ZNF605: variants seen among roughly 807,000 people sequenced by gnomAD.
ZNF605 encodes zinc finger protein 605.
ZNF605 carries 9 observed loss-of-function variants against 7.9 expected under a neutral mutation model. The ratio of observed to expected loss-of-function variants is 1.14; its 90% CI spans 0.68 to 1.98. The LOEUF (loss-of-function observed/expected upper bound fraction) is 1.98. Ranked by LOEUF, ZNF605 falls within the 30% of genes most tolerant of loss-of-function variation. The pLI is 0.00. For synonymous variants in ZNF605, 255 were observed against 260.1 expected (o/e 0.98, Z 0.19); for missense variants, 673 against 762.4 (o/e 0.88, Z 1.38).
chr12:132,923,194 T>C lies in ZNF605; in HGVS notation c.*2179A>G, dbSNP rs377023297. On this transcript the variant is annotated 3_prime_UTR_variant, in exon 5 of 5. Coordinates refer to ENST00000360187, the MANE Select transcript of ZNF605 (RefSeq NM_183238.4). ...AACTCCAAATACGTTATCATTACTT[T>C]GGCTTTAAGCAGCCAATTCCCTTTT... The C allele has an allele frequency of 1.3e-5, 2 of 152,276 alleles. No homozygotes were observed. The highest frequency in any genetic ancestry group is 4.8e-5 in the African/African-American group (2 of 41,476). The allele number at this position is 152,276 out of a possible 1,614,324, so 9.4% of individuals were successfully genotyped here.
rs1952442265 is a variant in ZNF605, at chr12:132,941,625, G to C, written c.15+3996C>G. On this transcript the variant is annotated intron_variant, in intron 3 of 4. Coordinates refer to ENST00000360187, the MANE Select transcript of ZNF605 (RefSeq NM_183238.4). This position sits in a 1 kb window ranked among gnomAD's most constrained non-coding sequence, Gnocchi z 5.1. ...CTGACTGTTGTAACGGACAGCTTCGGTGGCTGCTGGGAGGGGACGAGATAA... is the reference window on the plus strand; with the variant it reads ...CTGACTGTTGTAACGGACAGCTTCGCTGGCTGCTGGGAGGGGACGAGATAA... 6.6e-6 allele frequency among the ~76,000 whole-genome samples: 1 copy of C among 152,214 alleles called. No individual in the cohort carries two copies. The highest frequency in any genetic ancestry group is 1.5e-5 in the Non-Finnish European group (1 of 68,034).
Position 132,941,239 on chromosome 12 carries a change from C to T in ZNF605, c.15+4382G>A, listed in dbSNP as rs1032761014. On this transcript the variant is annotated intron_variant, in intron 3 of 4. Coordinates refer to ENST00000360187, the MANE Select transcript of ZNF605 (RefSeq NM_183238.4). The surrounding 1 kb of genome is among the most constrained non-coding windows in gnomAD (Gnocchi z 5.1). ...ACAGAGATGCAGACATGGCCTAGAC[C>T]GAGCCTCCGCGTGTGCTGCTTCTGC... Among the ~76,000 whole-genome samples, 141 of 152,188 alleles carry T rather than the reference C, an allele frequency of 9.3e-4. 1 individual carries two copies. In the Middle Eastern group the frequency reaches 0.01, roughly 11 times the overall value.
rs1952331365 is a variant in ZNF605, at chr12:132,933,901, A to G, written c.16-746T>C. ...TGAGAACCATTCTTAGGTAAGGAAT[A>G]CTGTTCCATGCAGTTGAGCCCTTCA... On this transcript the variant is annotated intron_variant, in intron 3 of 4. Coordinates refer to ENST00000360187, the MANE Select transcript of ZNF605 (RefSeq NM_183238.4). This position sits in a 1 kb window ranked among gnomAD's most constrained non-coding sequence, Gnocchi z 4.4. 1.3e-5 allele frequency among the ~76,000 whole-genome samples: 2 copies of G among 152,220 alleles called. No homozygotes were observed. The highest frequency in any genetic ancestry group is 2.9e-5 in the Non-Finnish European group (2 of 68,044).
intron 1 of ZNF605, among the ~76,000 whole-genome samples, chr12:132,954,423 TGGGGGAGGAGAAGGGTAGGG>T (rs1477188419): frequency 0.35 from 481 of 1,370 alleles, 10 homozygotes; most frequent in African/African-American, 0.44. Context: ...ATGAGAAGGA[TGGGGGAGGAGAAGGGTAGGG>T]AGGGGAGGAG....
chr12:132,940,999 T>G (rs1433517047), intron 3 of ZNF605, among the ~76,000 whole-genome samples: 1 of 152,046 alleles, frequency 6.6e-6, no homozygotes, highest in African/African-American at 2.4e-5. Flanking sequence ...AACATTTGGT[T>G]TTCTGTTCCT....
At chr12:132,939,141 G>A (rs1430215550) in intron 3 of ZNF605, among the ~76,000 whole-genome samples, 19 of 151,962 alleles carry the variant, frequency 1.3e-4, no homozygotes, top group Middle Eastern at 3.2e-3. Context: ...GAATGCGAGC[G>A]CACAGCGCAG....
chr12:132,951,724 GATAC>G (rs1170621023), intron 1 of ZNF605, among the ~76,000 whole-genome samples: 2 of 149,844 alleles, frequency 1.3e-5, no homozygotes, highest in East Asian at 1.9e-4. Flanking sequence ...CACACACAAT[GATAC>G]ATACATGACA....
chr12:132,950,218 C>G (rs1216700934), intron 1 of ZNF605, among the ~76,000 whole-genome samples: 3 of 152,110 alleles, frequency 2.0e-5, no homozygotes, highest in Non-Finnish European at 2.9e-5. Flanking sequence ...GGGACCTCCT[C>G]CGGCTGCTTC....
At chr12:132,935,892 TA>T (rs146610476) in intron 3 of ZNF605, among the ~76,000 whole-genome samples, 25,158 of 98,050 alleles carry the variant, frequency 0.26, 5,143 homozygotes, top group South Asian at 0.3. Context: ...GACTCTGTCT[TA>T]AAAAAAAAAA....
At chr12:132,935,188 A>G (rs1952351784) in intron 3 of ZNF605, among the ~76,000 whole-genome samples, 1 of 152,220 alleles carries the variant, frequency 6.6e-6, no homozygotes, top group Non-Finnish European at 1.5e-5. Flanking sequence ...GGGACACAGG[A>G]AAAAGGAGGA....
At chr12:132,946,103 C>T in intron 2 of ZNF605, among the ~76,000 whole-genome samples, 1 of 152,154 alleles carries the variant, frequency 6.6e-6, no homozygotes, top group East Asian at 1.9e-4. Flanking sequence ...CAGAGGAGCA[C>T]CACTACCCTA....
chr12:132,950,267 G>T (rs1952543245), intron 1 of ZNF605, among the ~76,000 whole-genome samples: 1 of 152,092 alleles, frequency 6.6e-6, no homozygotes, highest in African/African-American at 2.4e-5. Context: ...GAGTCCAAAA[G>T]CAGCCACCCT....
At chr12:132,929,827 C>G (rs1305250342) in intron 4 of ZNF605, among the ~76,000 whole-genome samples, 1 of 152,098 alleles carries the variant, frequency 6.6e-6, no homozygotes, top group East Asian at 1.9e-4. Flanking sequence ...CGCCTGTAAT[C>G]CCAGATACTT....
chr12:132,925,705 G>A lies in ZNF605; in HGVS notation c.1594C>T (p.Pro532Ser). ...RHQRIHTGEK[P>S]YECSECGKAF... The stretch of plus-strand genomic sequence containing the variant: ...TTCCCACATTCACTGCATTCATAGG[G>A]TTTCTCCCCTGTATGAATTCTCTGA... The change falls in exon 5 of 5, where the codon CCC becomes TCC. Residue 532 changes from proline to serine, a missense_variant. Physicochemically the swap from Pro to Ser is moderately conservative, Grantham distance 74. Coordinates refer to ENST00000360187, the MANE Select transcript of ZNF605 (RefSeq NM_183238.4). The A allele has an allele frequency of 6.2e-7, 1 of 1,614,176 alleles. No homozygotes were observed. The highest frequency in any genetic ancestry group is 1.1e-5 in the South Asian group (1 of 91,082).
intron 3 of ZNF605, among the ~76,000 whole-genome samples, chr12:132,938,628 C>T (rs1952393250): frequency 6.6e-6 from 1 of 152,222 alleles, no homozygotes; most frequent in Non-Finnish European, 1.5e-5. Context: ...CGGCACCTCC[C>T]CTGCCTGGGC....
intron 4 of ZNF605, among the ~76,000 whole-genome samples, chr12:132,932,103 A>ATTG (rs1952314058): frequency 6.6e-6 from 1 of 151,966 alleles, no homozygotes; most frequent in Non-Finnish European, 1.5e-5. Flanking sequence ...TATTATTATT[A>ATTG]TTGTTAGGTA....
chr12:132,951,504 C>G (rs117163532), intron 1 of ZNF605, among the ~76,000 whole-genome samples: 24,427 of 151,386 alleles, frequency 0.16, 2,456 homozygotes, highest in Non-Finnish European at 0.23. Context: ...TATACACACA[C>G]ACGTACACAC....
rs1485674486 is a variant in ZNF605, at chr12:132,921,842, A to G, written c.*3531T>C. ...GAAGACAAAGGAAGGCAAAATTCCT[A>G]AGGGAGAAATTCAAAAAAATGATGG... On this transcript the variant is annotated 3_prime_UTR_variant, in exon 5 of 5. Coordinates refer to ENST00000360187, the MANE Select transcript of ZNF605 (RefSeq NM_183238.4). 1 of 152,226 alleles carries G rather than the reference A, an allele frequency of 6.6e-6. No individual in the cohort carries two copies. Among genetic ancestry groups the G allele is most frequent in the Non-Finnish European group, 1.5e-5 (1 of 68,050 alleles). 9.4% of individuals were successfully genotyped at this position (152,226 alleles called of 1,614,324 possible). A position where few individuals can be genotyped will look rare whatever the true frequency, so the allele number is the denominator to read the frequency against.
chr12:132,949,375 G>A (rs112675313), intron 1 of ZNF605, among the ~76,000 whole-genome samples: 2,297 of 152,294 alleles, frequency 0.015, 22 homozygotes, highest in Non-Finnish European at 0.025. Context: ...CGCCCTGAAC[G>A]TCTGCTTCTT....
Sources: allele counts gnomAD v4.1 joint callset (sites outside exome capture counted in the v4.1 genomes callset), GRCh38; gene constraint gnomAD v4.1.1; non-coding constraint Gnocchi (gnomAD v3.1); transcripts MANE v1.5; gene names NCBI Gene and HGNC (gene_info 2026-07-23, HGNC 2026-07-21).